HNRNPM: variants seen among roughly 807,000 people sequenced by gnomAD.
HNRNPM encodes heterogeneous nuclear ribonucleoprotein M, also known as CEA receptor.
HNRNPM carries 11 observed loss-of-function variants against 73.1 expected under a neutral mutation model. That is an observed-to-expected ratio of 0.15 (90% confidence interval 0.09 to 0.25). The LOEUF is 0.25. HNRNPM is among the 10% of genes least tolerant of loss of function. The pLI is 1.00. For missense variants in HNRNPM, 789 were observed against 1,067.9 expected (o/e 0.74, Z 3.64); for synonymous variants, 407 against 355.2 (o/e 1.15, Z -1.64).
At chr19:8,477,658 C>G (rs1970603190) in intron 12 of HNRNPM, among the ~76,000 whole-genome samples, 1 of 65,878 alleles carries the variant, frequency 1.5e-5, no homozygotes, top group Non-Finnish European at 2.6e-5. Context: ...GAAACCCTGT[C>G]TCAAAAAAAA....
chr19:8,478,907 T>A (rs1453993895), intron 12 of HNRNPM, among the ~76,000 whole-genome samples: 1 of 152,096 alleles, frequency 6.6e-6, no homozygotes, highest in African/African-American at 2.4e-5. Flanking sequence ...GTTAGCAGGA[T>A]GGAGTGAGTT....
At chr19:8,447,683 A>G (rs1488168036) in intron 1 of HNRNPM, among the ~76,000 whole-genome samples, 5 of 152,080 alleles carry the variant, frequency 3.3e-5, no homozygotes, top group Admixed American at 3.3e-4. Context: ...TCAGGAGTTC[A>G]AGACCAGCCT....
intron 9 of HNRNPM, 68 bp downstream of exon 9, chr19:8,468,902 T>C: frequency 7.8e-7 from 1 of 1,281,480 alleles, no homozygotes; most frequent in Non-Finnish European, 1.1e-6. Context: ...AAAATTACCA[T>C]ATGGTTTCAC....
intron 5 of HNRNPM, among the ~76,000 whole-genome samples, chr19:8,464,112 G>A (rs897425234): frequency 3.9e-5 from 6 of 152,072 alleles, no homozygotes; most frequent in African/African-American, 1.4e-4. Context: ...AGGCATGGTG[G>A]CGCATGCCTG....
chr19:8,467,439 A>T, intron 7 of HNRNPM, 96 bp from the exon 8 acceptor site: 1 of 815,746 alleles, frequency 1.2e-6, no homozygotes, highest in South Asian at 1.4e-5. Flanking sequence ...CATCACTTAG[A>T]GGGACTGGTA....
intron 12 of HNRNPM, among the ~76,000 whole-genome samples, chr19:8,475,142 G>C (rs1158248535): frequency 1.3e-5 from 2 of 152,230 alleles, no homozygotes; most frequent in Admixed American, 1.3e-4. Flanking sequence ...GAGGCACAGA[G>C]AGTGACATGC....
intron 2 of HNRNPM, among the ~76,000 whole-genome samples, chr19:8,461,124 A>T (rs1969367113): frequency 6.6e-6 from 1 of 152,210 alleles, no homozygotes; most frequent in African/African-American, 2.4e-5. Flanking sequence ...TGTTTTGTAC[A>T]AAGTGTCAGT....
intron 12 of HNRNPM, 42 bp downstream of exon 12, chr19:8,474,286 C>T (rs146714928): frequency 5.6e-6 from 8 of 1,437,520 alleles, no homozygotes; most frequent in Middle Eastern, 1.8e-4. Context: ...CACCCTTTGC[C>T]GGCTGTTGCC....
intron 2 of HNRNPM, among the ~76,000 whole-genome samples, chr19:8,456,977 T>C: frequency 6.6e-6 from 1 of 152,190 alleles, no homozygotes; most frequent in Non-Finnish European, 1.5e-5. Flanking sequence ...AAGCTTAGAA[T>C]TTCTGTACAG....
intron 1 of HNRNPM, 28 bp from the exon 2 acceptor site, chr19:8,455,377 A>G (rs376364935): frequency 1.3e-6 from 2 of 1,590,324 alleles, no homozygotes. Flanking sequence ...TAAACCCTTT[A>G]CCTTTTTTTC....
rs770001698 is a variant in HNRNPM, at chr19:8,486,031, G to A, written c.1603G>A (p.Ala535Thr). The change falls in exon 14 of 16, where the codon GCA becomes ACA. Residue 535 changes from alanine (A) to threonine (T), a missense_variant. Transcript: ENST00000325495. ...MGLSMERMVP[A>T]GMGAGLERMG... ...CCTGAGCATGGAGCGCATGGTGCCC[G>A]CAGGTATGGGAGCTGGCCTGGAGCG... 2.9e-5 allele frequency: 47 copies of A among 1,606,708 alleles called. No homozygotes were observed. The highest frequency in any genetic ancestry group is 3.2e-5 in the Non-Finnish European group (38 of 1,179,574).
intron 12 of HNRNPM, among the ~76,000 whole-genome samples, chr19:8,475,210 C>G (rs1282748012): frequency 6.6e-6 from 1 of 152,208 alleles, no homozygotes; most frequent in African/African-American, 2.4e-5. Context: ...CTGTCTGGCT[C>G]CAGAGCCTGG....
intron 12 of HNRNPM, among the ~76,000 whole-genome samples, 157 bp downstream of exon 12, chr19:8,474,401 C>T (rs972212877): frequency 3.3e-5 from 5 of 152,198 alleles, no homozygotes; most frequent in Non-Finnish European, 7.3e-5. Context: ...ATTTCAAAAA[C>T]TAGACATAAT....
At chr19:8,445,221 C>G (rs1019839178) in intron 1 of HNRNPM, 110 bp downstream of exon 1, 5 of 960,210 alleles carry the variant, frequency 5.2e-6, no homozygotes, top group Non-Finnish European at 5.6e-6. Flanking sequence ...GGCCTCGGCC[C>G]CGGCTGTTCC....
intron 1 of HNRNPM, among the ~76,000 whole-genome samples, chr19:8,452,230 T>C (rs1405464955): frequency 6.6e-6 from 1 of 152,234 alleles, no homozygotes; most frequent in African/African-American, 2.4e-5. Flanking sequence ...TCGTAGTTTA[T>C]AGGTGAGCTT....
intron 10 of HNRNPM, among the ~76,000 whole-genome samples, chr19:8,472,212 G>A (rs35279560): frequency 1.1e-3 from 153 of 145,602 alleles, no homozygotes; most frequent in African/African-American, 3.3e-3. Flanking sequence ...AAGCTTTGAT[G>A]TGTAGAATAA....
chr19:8,485,622 C>T lies in HNRNPM; in HGVS notation c.1194C>T (p.Val398=). Residue 398 remains valine, a synonymous_variant, in exon 14 of 16, where the codon GTC becomes GTT. Transcript: ENST00000325495. ...KQGGGGGGGS[V]PGIERMGPGI... is the part of the protein sequence containing the mutation. Reference sequence around the variant, plus strand: ...TTTCAGGTGGAGGTGGAGGAAGCGTCCCTGGGATCGAGAGGATGGGTCCTG... The same window carrying T: ...TTTCAGGTGGAGGTGGAGGAAGCGTTCCTGGGATCGAGAGGATGGGTCCTG... 1 of 1,601,758 alleles carries T rather than the reference C, an allele frequency of 6.2e-7. No homozygotes were observed. The highest frequency in any genetic ancestry group is 2.2e-5 in the East Asian group (1 of 44,718).
intron 1 of HNRNPM, among the ~76,000 whole-genome samples, chr19:8,449,150 G>C (rs1417923230): frequency 1.3e-5 from 2 of 152,254 alleles, no homozygotes; most frequent in African/African-American, 4.8e-5. Context: ...ACGTCAGATT[G>C]TGAGCTCAAG....
At chr19:8,474,280 CT>C in intron 12 of HNRNPM, 36 bp downstream of exon 12, 1 of 1,481,060 alleles carries the variant, frequency 6.8e-7, no homozygotes, top group Non-Finnish European at 9.1e-7. Context: ...TTCACTCACC[CT>C]TTGCCGGCTG....
Sources: gnomAD v4.1 joint callset for allele counts (sites outside exome capture counted in the v4.1 genomes callset) on GRCh38, gnomAD v4.1.1 for gene constraint, MANE v1.5 for transcripts, NCBI Gene and HGNC (gene_info 2026-07-23, HGNC 2026-07-21) for gene names.